GPC6: variants seen among roughly 807,000 people sequenced by gnomAD.
GPC6 encodes glypican-6.
A neutral mutation model predicts 55.2 loss-of-function variants in GPC6; 14 were observed. The ratio of observed to expected loss-of-function variants is 0.25; its 90% CI spans 0.17 to 0.40. The LOEUF (loss-of-function observed/expected upper bound fraction) is 0.40, where lower values mean the gene tolerates loss of function less well. GPC6 is among the 10% of genes least tolerant of loss of function. The pLI is 1.00. For missense variants in GPC6, 641 were observed against 708.5 expected, an observed-to-expected ratio of 0.90 and a Z score of 1.08; for synonymous variants, 278 against 259.6, an observed-to-expected ratio of 1.07 and a Z score of -0.68.
At chr13:93,966,651 A>T (rs374240365) in intron 3 of GPC6, among the ~76,000 whole-genome samples, 46 of 118,776 alleles carry the variant, frequency 3.9e-4, no homozygotes, top group Admixed American at 5.8e-4. Context: ...TGTTTCCTTC[A>T]TTTTTTTTTT....
At chr13:93,850,254 G>A (rs1038734863) in intron 3 of GPC6, among the ~76,000 whole-genome samples, 2 of 151,880 alleles carry the variant, frequency 1.3e-5, no homozygotes, top group African/African-American at 4.8e-5. Context: ...TCTTTGGCAG[G>A]TGCAGTGGGT....
At chr13:93,316,840 C>T (rs1024189952) in intron 1 of GPC6, among the ~76,000 whole-genome samples, 2 of 152,008 alleles carry the variant, frequency 1.3e-5, no homozygotes, top group African/African-American at 4.8e-5. Context: ...TGTTTCATTG[C>T]TCAGCATACG....
intron 3 of GPC6, among the ~76,000 whole-genome samples, chr13:93,943,190 G>A (rs770275110): frequency 6.6e-6 from 1 of 152,064 alleles, no homozygotes; most frequent in Non-Finnish European, 1.5e-5. Context: ...TATCTCAATT[G>A]CTCTTCAATT....
At chr13:93,835,789 A>T (rs1163300024) in intron 3 of GPC6, among the ~76,000 whole-genome samples, 4 of 152,198 alleles carry the variant, frequency 2.6e-5, no homozygotes, top group Non-Finnish European at 5.9e-5. Context: ...AAAATTTTTA[A>T]GAAGTGACCT....
chr13:94,342,795 T>C (rs529082862), intron 6 of GPC6, among the ~76,000 whole-genome samples: 1 of 152,230 alleles, frequency 6.6e-6, no homozygotes, highest in Admixed American at 6.5e-5. Context: ...TCCCTTGTGC[T>C]TCTCCCTCCT....
At chr13:93,237,461 T>C (rs1876276833) in intron 1 of GPC6, among the ~76,000 whole-genome samples, 1 of 152,222 alleles carries the variant, frequency 6.6e-6, no homozygotes. Flanking sequence ...TTGTAGATTA[T>C]AGATATTAGT....
intron 2 of GPC6, among the ~76,000 whole-genome samples, chr13:93,591,447 G>C (rs1877477022): frequency 7.1e-6 from 1 of 140,696 alleles, no homozygotes; most frequent in Non-Finnish European, 1.5e-5. Flanking sequence ...CTGGGCGACA[G>C]AGCGAGACTC....
intron 1 of GPC6, among the ~76,000 whole-genome samples, chr13:93,442,571 C>T (rs976117948): frequency 1.3e-5 from 2 of 152,160 alleles, no homozygotes; most frequent in Non-Finnish European, 2.9e-5. Flanking sequence ...TAAATTTGTT[C>T]AGTATTCTTC....
chr13:93,571,278 C>G (rs1876394351), intron 2 of GPC6, among the ~76,000 whole-genome samples: 1 of 152,096 alleles, frequency 6.6e-6, no homozygotes, highest in South Asian at 2.1e-4. Context: ...TACATGCACA[C>G]TACTTAAGGC....
At chr13:93,948,811 C>A (rs1008167547) in intron 3 of GPC6, among the ~76,000 whole-genome samples, 1 of 152,118 alleles carries the variant, frequency 6.6e-6, no homozygotes, top group African/African-American at 2.4e-5. Context: ...AAAACACAGC[C>A]AGGATTATTG....
At chr13:93,869,513 C>T (rs1330857132) in intron 3 of GPC6, among the ~76,000 whole-genome samples, 1 of 151,872 alleles carries the variant, frequency 6.6e-6, no homozygotes, top group Non-Finnish European at 1.5e-5. Context: ...CCAGTGATTT[C>T]TTTCCTTGGT....
intron 1 of GPC6, among the ~76,000 whole-genome samples, chr13:93,458,184 G>A (rs1172771499): frequency 6.6e-6 from 1 of 152,118 alleles, no homozygotes; most frequent in Non-Finnish European, 1.5e-5. Flanking sequence ...AACACAATAG[G>A]ACTGTGATCA....
rs572976424 is a variant in GPC6, at chr13:93,819,020, A to G, written c.320-11134A>G. On this transcript the variant is annotated intron_variant, in intron 2 of 8. Coordinates refer to ENST00000377047, the MANE Select transcript of GPC6 (RefSeq NM_005708.5). ...CAAGATATACAAGTATACAAGATAT[A>G]CTGGTACCTGGATCCCACTCCCAGA... 2.9e-3 allele frequency among the ~76,000 whole-genome samples: 441 copies of G among 152,278 alleles called. 2 individuals are homozygous for G. Among genetic ancestry groups the G allele is most frequent in the African/African-American group, 9.7e-3 (401 of 41,548 alleles).
At chr13:94,196,274 A>T (rs1889573714) in intron 4 of GPC6, among the ~76,000 whole-genome samples, 2 of 151,830 alleles carry the variant, frequency 1.3e-5, no homozygotes, top group South Asian at 4.2e-4. Context: ...ATTTTTTAAA[A>T]TTTTTTATTT....
At chr13:94,248,161 C>A (rs1891252604) in intron 4 of GPC6, among the ~76,000 whole-genome samples, 1 of 152,040 alleles carries the variant, frequency 6.6e-6, no homozygotes, top group Admixed American at 6.6e-5. Context: ...TTGTAGAAGC[C>A]TTAAGAGTCA....
intron 3 of GPC6, among the ~76,000 whole-genome samples, chr13:94,013,539 G>A (rs957163756): frequency 2.6e-5 from 4 of 152,030 alleles, no homozygotes; most frequent in South Asian, 2.1e-4. Flanking sequence ...TAGTGGAGAC[G>A]GGGTTTCTCC....
At chr13:93,949,416 T>A (rs1390820570) in intron 3 of GPC6, among the ~76,000 whole-genome samples, 2 of 152,174 alleles carry the variant, frequency 1.3e-5, no homozygotes, top group Non-Finnish European at 2.9e-5. Flanking sequence ...GATAGTCCAA[T>A]AAGAAATAAC....
intron 3 of GPC6, among the ~76,000 whole-genome samples, chr13:93,893,748 C>G (rs1352672033): frequency 6.6e-6 from 1 of 152,206 alleles, no homozygotes; most frequent in Admixed American, 6.5e-5. Flanking sequence ...TCCACTGTCA[C>G]TGGCTGTTTA....
At chr13:93,545,515 C>A in intron 2 of GPC6, 94 bp downstream of exon 2, 1 of 1,003,384 alleles carries the variant, frequency 1.0e-6, no homozygotes, top group Non-Finnish European at 1.6e-6. Context: ...AAAAAGGGAG[C>A]TTTTCTATCC....
Sources: allele counts gnomAD v4.1 joint callset (sites outside exome capture counted in the v4.1 genomes callset), GRCh38; gene constraint gnomAD v4.1.1; transcripts MANE v1.5; gene names NCBI Gene and HGNC (gene_info 2026-07-23, HGNC 2026-07-21).